SEC22B: variants seen among roughly 807,000 people sequenced by gnomAD.
The protein encoded by SEC22B is SEC22 homolog B, vesicle trafficking protein, also known as vesicle-trafficking protein SEC22b.
Under a neutral mutation model 31.4 loss-of-function variants are expected in SEC22B, and 10 were observed. That is an observed-to-expected ratio of 0.32 (90% CI 0.20 to 0.54). The LOEUF is 0.54. Ranked by LOEUF, SEC22B falls within the 20% of genes least tolerant of loss-of-function variation. The pLI, the probability that SEC22B is intolerant of heterozygous loss-of-function variation, is 0.94. For synonymous variants in SEC22B, 60 were observed against 95.9 expected, an observed-to-expected ratio of 0.63 and a Z score of 2.19; for missense variants, 130 against 263.4, an observed-to-expected ratio of 0.49 and a Z score of 3.50.
At chr1:120,169,871 C>A (rs1290523909) in intron 1 of SEC22B, among the ~76,000 whole-genome samples, 1 of 145,342 alleles carries the variant, frequency 6.9e-6, no homozygotes, top group Non-Finnish European at 1.5e-5. Context: ...TGGTATCCCC[C>A]ACAAAATTCA....
chr1:120,160,246 T>A (rs1325027587), intron 4 of SEC22B, 138 bp downstream of exon 4: 2 of 539,172 alleles, frequency 3.7e-6, no homozygotes, highest in Non-Finnish European at 6.2e-6. Flanking sequence ...GGAAGCATTG[T>A]AATGTAATGT....
intron 4 of SEC22B, among the ~76,000 whole-genome samples, chr1:120,160,111 A>G (rs1326064302): frequency 6.7e-6 from 1 of 148,362 alleles, no homozygotes; most frequent in Non-Finnish European, 1.5e-5. Context: ...CTTAATTTAT[A>G]CAAGTTATAT....
chr1:120,163,582 C>G (rs1268492418), intron 2 of SEC22B, among the ~76,000 whole-genome samples: 2 of 93,990 alleles, frequency 2.1e-5, no homozygotes, highest in African/African-American at 2.0e-4. Flanking sequence ...TTTTTTTTTT[C>G]TTTTTTTTTT....
rs61789916 is a variant in SEC22B, at chr1:120,152,795, G to A, written c.*4243C>T. On this transcript the variant is annotated 3_prime_UTR_variant, in exon 5 of 5. Transcript: ENST00000578049. ...ATAAAGTGAAATGTGTAAGACAAAC[G>A]TATCTGTGTCATTATTTAGGAGTAG... The A allele has an allele frequency of 4.8e-3, 558 of 117,098 alleles. 3 individuals carry two copies. The highest frequency in any genetic ancestry group is 0.013 in the African/African-American group (259 of 19,386). The allele number at this position is 117,098 out of a possible 1,614,324, so 7.3% of individuals were successfully genotyped here.
intron 2 of SEC22B, among the ~76,000 whole-genome samples, chr1:120,166,396 T>TACACACACACAC (rs1268229455): frequency 6.4e-3 from 915 of 143,274 alleles, no homozygotes; most frequent in East Asian, 0.019. Flanking sequence ...AAGTGTTTTT[T>TACACACACACAC]ACACACACAC....
chr1:120,171,854 C>G (rs1433675039), intron 1 of SEC22B, among the ~76,000 whole-genome samples: 12 of 150,152 alleles, frequency 8.0e-5, no homozygotes, highest in African/African-American at 2.5e-4. Flanking sequence ...ACAATATGCA[C>G]AAATTAATTT....
At position 120,155,958 on chromosome 1, in the gene SEC22B, A is replaced by G. The variant is rs1339170547; in HGVS notation, c.*1080T>C. ...GCTCTCAGAGACTTTTTCTCAGGTA[A>G]ATGTATTTAGTAGTTTGAGTAGTTG... On this transcript the variant is annotated 3_prime_UTR_variant, in exon 5 of 5. Transcript: ENST00000578049. 9.2e-4 allele frequency: 140 copies of G among 152,150 alleles called. No individual in the cohort carries two copies. Among genetic ancestry groups the G allele is most frequent in the Admixed American group, 2.4e-3 (37 of 15,268 alleles). The allele number at this position is 152,150 out of a possible 1,614,324, so 9.4% of individuals were successfully genotyped here.
chr1:120,160,568 C>T, intron 3 of SEC22B, 38 bp from the exon 4 acceptor site: 1 of 1,520,160 alleles, frequency 6.6e-7, no homozygotes, highest in Non-Finnish European at 8.8e-7. Flanking sequence ...TCTTTCATGG[C>T]CATCAAAGTA....
chr1:120,163,830 A>G (rs1474887765), intron 2 of SEC22B, among the ~76,000 whole-genome samples: 3 of 151,150 alleles, frequency 2.0e-5, no homozygotes, highest in African/African-American at 7.3e-5. Context: ...CGCCCGCCTC[A>G]GCCTCCCAAA....
At chr1:120,163,945 CTTTTT>C (rs1169530604) in intron 2 of SEC22B, among the ~76,000 whole-genome samples, 7 of 68,932 alleles carry the variant, frequency 1.0e-4, no homozygotes, top group Admixed American at 1.6e-4. Flanking sequence ...ATTAGATTCT[CTTTTT>C]TTTTTTTTTT....
At chr1:120,175,454 T>G (rs1657941474) in intron 1 of SEC22B, among the ~76,000 whole-genome samples, 2 of 147,998 alleles carry the variant, frequency 1.4e-5, no homozygotes, top group African/African-American at 2.5e-5. Context: ...AAAATAAAAT[T>G]GATCACTTTA....
chr1:120,166,420 C>CACAT (rs1553229707), intron 2 of SEC22B, among the ~76,000 whole-genome samples: 110 of 149,642 alleles, frequency 7.4e-4, no homozygotes, highest in African/African-American at 1.8e-3. Context: ...CACACACACA[C>CACAT]ACACACACAC....
In SEC22B at chr1:120,153,327, C is replaced by T. The variant is rs1488422117; in HGVS notation, c.*3711G>A. ...GTTCTGCTAACTAACTAACCAAAAA[C>T]CTTAATTGTATGGCCATCAGCACCC... On this transcript the variant is annotated 3_prime_UTR_variant, in exon 5 of 5. Coordinates refer to ENST00000578049, the MANE Select transcript of SEC22B (RefSeq NM_004892.6). The T allele has an allele frequency of 6.6e-6, 1 of 151,338 alleles. No individual in the cohort carries two copies. Among genetic ancestry groups the T allele is most frequent in the East Asian group, 1.9e-4 (1 of 5,140 alleles). 9.4% of individuals were successfully genotyped at this position (151,338 alleles called of 1,614,324 possible).
intron 2 of SEC22B, among the ~76,000 whole-genome samples, chr1:120,166,188 A>G (rs1350246782): frequency 7.1e-6 from 1 of 140,966 alleles, no homozygotes; most frequent in Non-Finnish European, 1.5e-5. Flanking sequence ...TATAGAAAAC[A>G]GTATGGAGGT....
chr1:120,162,015 C>T (rs1161032037), intron 3 of SEC22B, among the ~76,000 whole-genome samples: 14 of 140,970 alleles, frequency 9.9e-5, no homozygotes, highest in African/African-American at 2.5e-4. Context: ...GAGTGATGTC[C>T]GGGTATTTAT....
chr1:120,168,360 AAAAT>A (rs1412919026), intron 2 of SEC22B, among the ~76,000 whole-genome samples: 2 of 151,922 alleles, frequency 1.3e-5, no homozygotes, highest in African/African-American at 2.4e-5. Flanking sequence ...TTCTTTTTTC[AAAAT>A]AATAATAACT....
intron 1 of SEC22B, among the ~76,000 whole-genome samples, chr1:120,175,598 T>G (rs1657944899): frequency 6.6e-6 from 1 of 152,176 alleles, no homozygotes; most frequent in Non-Finnish European, 1.5e-5. Context: ...ACATCTGGAG[T>G]TAGTGCTGTT....
In SEC22B at chr1:120,155,277, C is replaced by A. The variant is rs1657610876; in HGVS notation, c.*1761G>T. 1 of 151,522 alleles carries A rather than the reference C, an allele frequency of 6.6e-6. No homozygotes were observed. The highest frequency in any genetic ancestry group is 6.6e-5 in the Admixed American group (1 of 15,174). The allele number at this position is 151,522 out of a possible 1,614,324, so 9.4% of individuals were successfully genotyped here. A position where few individuals can be genotyped will look rare whatever the true frequency, so the allele number is the denominator to read the frequency against. On this transcript the variant is annotated 3_prime_UTR_variant, in exon 5 of 5. Coordinates refer to ENST00000578049, the MANE Select transcript of SEC22B (RefSeq NM_004892.6). ...ATGCAACTCTCAACAATGAGCTGCC[C>A]CTCTCCACTCCTATAGAAGCTCCAA...
Position 120,156,886 on chromosome 1 carries a change from C to G in SEC22B, c.*152G>C. 2 of 503,454 alleles carry G rather than the reference C, an allele frequency of 4.0e-6. No homozygotes were observed. The highest frequency in any genetic ancestry group is 3.2e-6 in the Non-Finnish European group (1 of 315,680). 31.2% of individuals were successfully genotyped at this position (503,454 alleles called of 1,614,324 possible). On this transcript the variant is annotated 3_prime_UTR_variant, in exon 5 of 5. Coordinates refer to ENST00000578049, the MANE Select transcript of SEC22B (RefSeq NM_004892.6). ...TAAGCTTCATTAAATGAGGTGCAACCTTTCATTTTCAGGGCATCTCTTTTC... is the reference window on the plus strand; with the variant it reads ...TAAGCTTCATTAAATGAGGTGCAACGTTTCATTTTCAGGGCATCTCTTTTC...
Sources: allele counts gnomAD v4.1 joint callset (sites outside exome capture counted in the v4.1 genomes callset), GRCh38; gene constraint gnomAD v4.1.1; transcripts MANE v1.5; gene names NCBI Gene and HGNC (gene_info 2026-07-23, HGNC 2026-07-21).